MNAT1: variants seen among roughly 807,000 people sequenced by gnomAD.
The protein encoded by MNAT1 is MNAT1 component of CDK activating kinase, also known as CDK-activating kinase assembly factor MAT1.
Under a neutral mutation model 42.0 loss-of-function variants are expected in MNAT1, and 43 were observed. The ratio of observed to expected loss-of-function variants is 1.02; its 90% CI spans 0.80 to 1.32. MNAT1 has a LOEUF of 1.32. Among genes scored for constraint, MNAT1 ranks in the 40% most tolerant of loss-of-function variants. MNAT1 has a pLI of 0.00. For synonymous variants in MNAT1, 118 were observed against 120.0 expected, an observed-to-expected ratio of 0.98 and a Z score of 0.11; for missense variants, 306 against 350.4, an observed-to-expected ratio of 0.87 and a Z score of 1.01.
intron 6 of MNAT1, among the ~76,000 whole-genome samples, chr14:60,867,861 A>T (rs2034240251): frequency 6.6e-6 from 1 of 152,064 alleles, no homozygotes; most frequent in Non-Finnish European, 1.5e-5. Flanking sequence ...CCTGTCCCTC[A>T]TTTGTCTTTT....
At chr14:60,797,995 A>G (rs1276427313) in intron 2 of MNAT1, 92 bp from the exon 3 acceptor site, 7 of 625,634 alleles carry the variant, frequency 1.1e-5, no homozygotes, top group Non-Finnish European at 2.0e-5. Context: ...TCCATGTATC[A>G]TATATGAATT....
intron 1 of MNAT1, among the ~76,000 whole-genome samples, chr14:60,790,184 AAGAT>A (rs2031773746): frequency 6.6e-6 from 1 of 152,174 alleles, no homozygotes; most frequent in Non-Finnish European, 1.5e-5. Context: ...TTGTAAGAAT[AAGAT>A]AGAAGGAGAA....
chr14:60,821,735 T>C (rs1215663757), intron 6 of MNAT1, among the ~76,000 whole-genome samples: 5 of 152,204 alleles, frequency 3.3e-5, no homozygotes, highest in African/African-American at 9.6e-5. Flanking sequence ...TTGGCTATTT[T>C]CCATGCCGGT....
At chr14:60,903,420 G>A (rs766862484) in intron 7 of MNAT1, among the ~76,000 whole-genome samples, 2 of 152,208 alleles carry the variant, frequency 1.3e-5, no homozygotes, top group African/African-American at 2.4e-5. Context: ...ATTAGTTTAC[G>A]TTCTACCAGT....
At chr14:60,744,943 C>A (rs758141444) in intron 1 of MNAT1, among the ~76,000 whole-genome samples, 1 of 152,148 alleles carries the variant, frequency 6.6e-6, no homozygotes, top group Non-Finnish European at 1.5e-5. Context: ...CTCTCTTAAC[C>A]ACTCTCTTTT....
At chr14:60,943,306 C>G (rs1317057167) in intron 7 of MNAT1, among the ~76,000 whole-genome samples, 2 of 152,050 alleles carry the variant, frequency 1.3e-5, no homozygotes, top group Non-Finnish European at 2.9e-5. Context: ...TGTGCCTTTG[C>G]TAATATGAAC....
At chr14:60,798,605 G>A (rs987801927) in intron 3 of MNAT1, among the ~76,000 whole-genome samples, 5 of 152,180 alleles carry the variant, frequency 3.3e-5, no homozygotes, top group Admixed American at 1.3e-4. Flanking sequence ...GCAGTTGACT[G>A]TTGAAGTGGC....
intron 7 of MNAT1, among the ~76,000 whole-genome samples, chr14:60,927,732 C>G (rs2035796066): frequency 6.6e-6 from 1 of 152,160 alleles, no homozygotes; most frequent in Non-Finnish European, 1.5e-5. Context: ...ATTGTTGCTG[C>G]CTCTACCCAC....
rs1416793568 is a variant in MNAT1 at position 60,740,403 on chromosome 14, A to C, written c.89+5452A>C. The stretch of plus-strand genomic sequence containing the variant: ...ATTTACTGATGTTACTGGATAGTTT[A>C]TCCTGAAGAGTCCGAATTTTGCTTA... On this transcript the variant is annotated intron_variant, in intron 1 of 7. Transcript: ENST00000261245. The surrounding 1 kb of genome is among the most constrained non-coding windows in gnomAD (Gnocchi z 4.1). 6.6e-6 allele frequency among the ~76,000 whole-genome samples: 1 copy of C among 150,538 alleles called. No individual in the cohort carries two copies. Among genetic ancestry groups the C allele is most frequent in the Non-Finnish European group, 1.5e-5 (1 of 67,638 alleles).
chr14:60,850,832 G>A (rs1290680108), intron 6 of MNAT1, among the ~76,000 whole-genome samples: 2 of 152,076 alleles, frequency 1.3e-5, no homozygotes, highest in African/African-American at 4.8e-5. Flanking sequence ...CCAAATATAA[G>A]ATAAACATTT....
chr14:60,923,727 C>T (rs1390139393), intron 7 of MNAT1, among the ~76,000 whole-genome samples: 1 of 152,024 alleles, frequency 6.6e-6, no homozygotes, highest in African/African-American at 2.4e-5. Flanking sequence ...GCCTGTAATC[C>T]CAGTACTTTG....
intron 7 of MNAT1, among the ~76,000 whole-genome samples, chr14:60,950,259 T>C (rs1022754826): frequency 2.0e-5 from 3 of 152,220 alleles, no homozygotes; most frequent in African/African-American, 7.2e-5. Flanking sequence ...TTGTATTCTA[T>C]TGTAGTATAT....
At chr14:60,834,512 T>C (rs2139389487) in intron 6 of MNAT1, among the ~76,000 whole-genome samples, 2 of 152,224 alleles carry the variant, frequency 1.3e-5, no homozygotes, top group Admixed American at 1.3e-4. Context: ...ATTGCACTGG[T>C]GTGTGAGAGA....
rs1379010287 is a variant in MNAT1 at position 60,808,415 on chromosome 14, A to C, written c.407A>C (p.Asn136Thr). The part of the protein sequence containing the change: ...QKENKDVIQK[N>T]KLKLTREQEE... ...GAAAACAAAGATGTTATTCAGAAAA[A>C]TAAATTAAAGCTGGTCGGTTGCTAA... The change falls in exon 4 of 8, where the codon AAT (asparagine) becomes ACT (threonine). Residue 136 changes from asparagine (N) to threonine (T), a missense_variant. Asn to Thr is a moderately conservative substitution (Grantham distance 65). This residue lies in a region of MNAT1 where 118 missense variants were observed against 99.8 expected (regional missense o/e 1.18). Transcript: ENST00000261245. 30 of 1,548,816 alleles carry C rather than the reference A, an allele frequency of 1.9e-5. No individual in the cohort carries two copies. The highest frequency in any genetic ancestry group is 2.5e-5 in the Non-Finnish European group (29 of 1,144,560).
chr14:60,757,271 C>T (rs1384794775), intron 1 of MNAT1, among the ~76,000 whole-genome samples: 1 of 152,132 alleles, frequency 6.6e-6, no homozygotes, highest in Non-Finnish European at 1.5e-5. Context: ...TTATTTACCT[C>T]TTTCCTCAGT....
intron 1 of MNAT1, among the ~76,000 whole-genome samples, chr14:60,739,193 A>G (rs1007163479): frequency 1.3e-5 from 2 of 152,220 alleles, no homozygotes; most frequent in East Asian, 3.9e-4. Flanking sequence ...GGATGGGAGA[A>G]GAGAGAAAGG....
In MNAT1 at chr14:60,968,415, A is replaced by G; in HGVS notation, c.*66A>G. On this transcript the variant is annotated 3_prime_UTR_variant, in exon 8 of 8. Transcript: ENST00000261245. ...TAGCAAAAGTAAAGCAGACTTATAA[A>G]ATTATAGCTATGTGCAGCTGCACAA... is the stretch of plus-strand genomic sequence containing the variant. 1 of 1,571,608 alleles carries G rather than the reference A, an allele frequency of 6.4e-7. No homozygotes were observed. The highest frequency in any genetic ancestry group is 8.6e-7 in the Non-Finnish European group (1 of 1,161,278).
chr14:60,754,596 G>A (rs562386536), intron 1 of MNAT1, among the ~76,000 whole-genome samples: 4 of 152,040 alleles, frequency 2.6e-5, no homozygotes, highest in South Asian at 2.1e-4. Flanking sequence ...TGATCTGCCC[G>A]CCTCGGCCTC....
intron 1 of MNAT1, among the ~76,000 whole-genome samples, chr14:60,748,888 A>C (rs781495685): frequency 1.1e-4 from 17 of 152,154 alleles, no homozygotes; most frequent in Non-Finnish European, 2.2e-4. Flanking sequence ...ATTATTAACT[A>C]TTATGCACTG....
Sources: allele counts gnomAD v4.1 joint callset (sites outside exome capture counted in the v4.1 genomes callset), GRCh38; gene constraint gnomAD v4.1.1; regional missense constraint gnomAD v4.1.1; non-coding constraint Gnocchi (gnomAD v3.1); transcripts MANE v1.5; gene names NCBI Gene and HGNC (gene_info 2026-07-23, HGNC 2026-07-21).